Variants in PRDM16 observed in about 807,000 individuals in gnomAD.
PRDM16 encodes PR/SET domain 16, also known as histone-lysine N-methyltransferase PRDM16.
In PRDM16, 23 loss-of-function variants were observed where a neutral mutation model predicts 110.6. The observed-to-expected ratio is 0.21, with a 90% CI of 0.15 to 0.29. The LOEUF is 0.29. Ranked by LOEUF, PRDM16 falls within the 10% of genes least tolerant of loss-of-function variation. The pLI is 1.00. For synonymous variants in PRDM16, 799 were observed against 781.8 expected (o/e 1.02, Z -0.37); for missense variants, 1,615 against 1,794.3 (o/e 0.90, Z 1.81).
chr1:3,130,513 A>G (rs1643310390), intron 1 of PRDM16, among the ~76,000 whole-genome samples: 2 of 152,214 alleles, frequency 1.3e-5, no homozygotes, highest in Admixed American at 1.3e-4. Flanking sequence ...CCCGCCCAGC[A>G]GCCCAGGGCT....
chr1:3,162,367 G>A (rs1300149494), intron 1 of PRDM16, among the ~76,000 whole-genome samples: 1 of 152,148 alleles, frequency 6.6e-6, no homozygotes, highest in Non-Finnish European at 1.5e-5. Context: ...GCGAAGCCTC[G>A]GTTCCACTTT....
intron 3 of PRDM16, among the ~76,000 whole-genome samples, chr1:3,323,046 C>T (rs977844619): frequency 1.3e-5 from 2 of 152,234 alleles, no homozygotes; most frequent in Admixed American, 6.5e-5. Context: ...TTCTGCGACA[C>T]CCGAGCACAG....
intron 1 of PRDM16, among the ~76,000 whole-genome samples, chr1:3,150,153 A>G (rs1643749285): frequency 6.6e-6 from 1 of 152,232 alleles, no homozygotes; most frequent in Admixed American, 6.5e-5. Flanking sequence ...CAAGCCTCGC[A>G]CTGCGTAGGG....
At chr1:3,196,504 A>G (rs888992030) in intron 2 of PRDM16, among the ~76,000 whole-genome samples, 1 of 152,230 alleles carries the variant, frequency 6.6e-6, no homozygotes, top group Non-Finnish European at 1.5e-5. Flanking sequence ...GACACTTGGC[A>G]GAGAGTGAGG....
chr1:3,342,963 C>G (rs1479410554), intron 3 of PRDM16, among the ~76,000 whole-genome samples: 1 of 152,086 alleles, frequency 6.6e-6, no homozygotes, highest in Admixed American at 6.5e-5. Flanking sequence ...TATTCATGTG[C>G]AAGCATTGTG....
rs1185026510 is a variant in PRDM16 at position 3,157,139 on chromosome 1, C to T, written c.38-28986C>T. ...GCAGGGAGTGTTAGCACCTGCCGGG[C>T]TCAGCCTGGGCGGCTCAGAGGGCGG... On this transcript the variant is annotated intron_variant, in intron 1 of 16. Transcript: ENST00000270722. The surrounding 1 kb of genome is among the most constrained non-coding windows in gnomAD (Gnocchi z 4.8). Among the ~76,000 whole-genome samples, 1 of 152,186 alleles carries T rather than the reference C, an allele frequency of 6.6e-6. No homozygotes were observed. The highest frequency in any genetic ancestry group is 2.4e-5 in the African/African-American group (1 of 41,454).
chr1:3,311,316 C>T (rs1641455686), intron 3 of PRDM16, among the ~76,000 whole-genome samples: 1 of 152,198 alleles, frequency 6.6e-6, no homozygotes, highest in African/African-American at 2.4e-5. Context: ...TTGGAAACAA[C>T]CAGGACGAGC....
Position 3,244,097 on chromosome 1 carries a change from C to T in PRDM16, c.398C>T (p.Thr133Met), listed in dbSNP as rs530119550. 37 of 1,613,952 alleles carry T rather than the reference C, an allele frequency of 2.3e-5. No homozygotes were observed. The highest frequency in any genetic ancestry group is 2.2e-4 in the East Asian group (10 of 44,880). Residue 133 changes from threonine (T) to methionine (M), a missense_variant, in exon 3 of 17, where the codon ACG becomes ATG. Transcript: ENST00000270722. The surrounding 1 kb of genome is among the most constrained non-coding windows in gnomAD (Gnocchi z 4.1). ...ETDFGWEQIL[T>M]DVEVSPQEGC... ...AAAATTGTTTTGCAGCAAATACTGA[C>T]GGACGTGGAAGTGTCGCCCCAGGAA...
chr1:3,211,898 G>A (rs1219121176), intron 2 of PRDM16, among the ~76,000 whole-genome samples: 1 of 152,216 alleles, frequency 6.6e-6, no homozygotes, highest in Admixed American at 6.5e-5. Context: ...GTGTGTATCC[G>A]CGGCTGCTCC....
intron 3 of PRDM16, among the ~76,000 whole-genome samples, chr1:3,260,135 G>A (rs562554560): frequency 2.1e-4 from 32 of 152,306 alleles, no homozygotes; most frequent in Admixed American, 1.4e-3. Context: ...TTTTCAAACA[G>A]CTTTAGTTGT....
intron 1 of PRDM16, among the ~76,000 whole-genome samples, chr1:3,113,913 T>C (rs1185196302): frequency 6.6e-6 from 1 of 152,256 alleles, no homozygotes; most frequent in Non-Finnish European, 1.5e-5. Flanking sequence ...TATTTTCTGT[T>C]TCATTTTGAG....
At chr1:3,272,955 A>G (rs144329458) in intron 3 of PRDM16, among the ~76,000 whole-genome samples, 4,182 of 152,308 alleles carry the variant, frequency 0.027, 69 homozygotes, top group Middle Eastern at 0.075. Context: ...TGTCTGCCAC[A>G]TGGTGGGGAC....
At chr1:3,285,291 G>A (rs1205086762) in intron 3 of PRDM16, among the ~76,000 whole-genome samples, 1 of 152,156 alleles carries the variant, frequency 6.6e-6, no homozygotes, top group African/African-American at 2.4e-5. Flanking sequence ...CTGGCCACCT[G>A]GGCGTTCTGA....
chr1:3,431,137 G>A (rs1638755177), intron 15 of PRDM16, 29 bp downstream of exon 15: 2 of 1,542,100 alleles, frequency 1.3e-6, no homozygotes, highest in South Asian at 1.2e-5. Flanking sequence ...TCCAGGATGG[G>A]GCAGGGAGGG....
At chr1:3,326,021 C>CCTTGGCCCTCCTTGGCCATCCTCGGCCCT (rs1557610677) in intron 3 of PRDM16, among the ~76,000 whole-genome samples, 5 of 103,386 alleles carry the variant, frequency 4.8e-5, no homozygotes, top group Non-Finnish European at 7.6e-5. Context: ...CCTCGACCAT[C>CCTTGGCCCTCCTTGGCCATCCTCGGCCCT]CTTGGCCCTC....
chr1:3,184,143 C>G (rs1557512674), intron 1 of PRDM16, among the ~76,000 whole-genome samples: 1 of 152,102 alleles, frequency 6.6e-6, no homozygotes, highest in Non-Finnish European at 1.5e-5. Flanking sequence ...GGATCCGCCG[C>G]GTCAATTAGA....
intron 14 of PRDM16, among the ~76,000 whole-genome samples, chr1:3,426,487 T>G (rs1638610466): frequency 6.6e-6 from 1 of 152,120 alleles, no homozygotes; most frequent in Non-Finnish European, 1.5e-5. Flanking sequence ...CATATGTGTG[T>G]GCAAAACACT....
chr1:3,281,000 G>GAGGAGAGCACTGCCTGGGCCTC, intron 3 of PRDM16, among the ~76,000 whole-genome samples: 1 of 152,248 alleles, frequency 6.6e-6, no homozygotes, highest in Non-Finnish European at 1.5e-5. Context: ...GCTCTGGGCT[G>GAGGAGAGCACTGCCTGGGCCTC]AGGACAGCAC....
chr1:3,219,987 C>G (rs1408057283), intron 2 of PRDM16, among the ~76,000 whole-genome samples: 1 of 152,126 alleles, frequency 6.6e-6, no homozygotes, highest in African/African-American at 2.4e-5. Context: ...AGATGTTTGG[C>G]GCTGAGGTAA....
Sources: gnomAD v4.1 joint callset for allele counts (sites outside exome capture counted in the v4.1 genomes callset) on GRCh38, gnomAD v4.1.1 for gene constraint, Gnocchi (gnomAD v3.1) non-coding constraint, MANE v1.5 for transcripts, NCBI Gene and HGNC (gene_info 2026-07-23, HGNC 2026-07-21) for gene names.